Variants in PCDH9 observed in about 807,000 individuals in gnomAD.
The protein encoded by PCDH9 is protocadherin-9.
PCDH9 carries 24 observed loss-of-function variants against 70.6 expected under a neutral mutation model. The observed-to-expected ratio is 0.34, with a 90% CI of 0.25 to 0.48. The LOEUF (loss-of-function observed/expected upper bound fraction) is 0.48. PCDH9 is among the 20% of genes least tolerant of loss of function. The probability of loss-of-function intolerance (pLI) is 0.99; values close to 1 mark genes in which losing one functional copy is unlikely to be tolerated. For missense variants in PCDH9, 1,281 were observed against 1,503.6 expected, an observed-to-expected ratio of 0.85 and a Z score of 2.45; for synonymous variants, 562 against 558.5, an observed-to-expected ratio of 1.01 and a Z score of -0.09.
At chr13:66,576,336 A>G (rs1298665204) in intron 4 of PCDH9, among the ~76,000 whole-genome samples, 2 of 152,086 alleles carry the variant, frequency 1.3e-5, no homozygotes, top group South Asian at 2.1e-4. Flanking sequence ...ACACAGAGCT[A>G]TGTGTACATA....
intron 2 of PCDH9, among the ~76,000 whole-genome samples, chr13:67,130,165 A>G (rs1242947407): frequency 6.6e-6 from 1 of 152,148 alleles, no homozygotes; most frequent in Non-Finnish European, 1.5e-5. Flanking sequence ...ATGAATGAGC[A>G]TTTTCACTTT....
intron 4 of PCDH9, among the ~76,000 whole-genome samples, chr13:66,385,467 A>C (rs1379180451): frequency 6.6e-6 from 1 of 152,114 alleles, no homozygotes; most frequent in African/African-American, 2.4e-5. Flanking sequence ...AAATAACAGG[A>C]CTTCAAGACT....
chr13:66,584,877 G>A (rs2076942112), intron 4 of PCDH9, among the ~76,000 whole-genome samples: 1 of 152,000 alleles, frequency 6.6e-6, no homozygotes, highest in African/African-American at 2.4e-5. Flanking sequence ...ATTGAAACTA[G>A]CAATAAGCAA....
At chr13:67,148,400 T>A (rs1324947571) in intron 2 of PCDH9, among the ~76,000 whole-genome samples, 1 of 152,020 alleles carries the variant, frequency 6.6e-6, no homozygotes, top group East Asian at 1.9e-4. Context: ...TGTACACTGG[T>A]TCCTCTCCTA....
intron 4 of PCDH9, among the ~76,000 whole-genome samples, chr13:66,563,038 C>T (rs1417326834): frequency 6.6e-6 from 1 of 152,192 alleles, no homozygotes; most frequent in Non-Finnish European, 1.5e-5. Flanking sequence ...AATTCATTGA[C>T]TTTTGAGAAG....
At chr13:66,552,638 A>G (rs1457341629) in intron 4 of PCDH9, among the ~76,000 whole-genome samples, 3 of 152,314 alleles carry the variant, frequency 2.0e-5, no homozygotes, top group Middle Eastern at 3.4e-3. Flanking sequence ...AACTGGATAC[A>G]TGGAAGTAAA....
At chr13:66,334,705 C>G (rs1956005914) in intron 4 of PCDH9, among the ~76,000 whole-genome samples, 1 of 151,950 alleles carries the variant, frequency 6.6e-6, no homozygotes, top group South Asian at 2.1e-4. Context: ...TACCATACAA[C>G]TAATTTTTCT....
chr13:67,212,560 C>T (rs1035048369), intron 2 of PCDH9: 3 of 151,888 alleles, frequency 2.0e-5, no homozygotes, highest in African/African-American at 4.8e-5. Flanking sequence ...TGTATCTGTC[C>T]GTGGATCATA....
intron 2 of PCDH9, chr13:67,223,330 G>A (rs1377543206): frequency 1.3e-5 from 2 of 151,994 alleles, no homozygotes; most frequent in Non-Finnish European, 2.9e-5. Flanking sequence ...GGGGAGGTCA[G>A]AAAAAGTGGA....
chr13:66,404,480 G>A (rs957221234), intron 4 of PCDH9, among the ~76,000 whole-genome samples: 6 of 152,034 alleles, frequency 3.9e-5, no homozygotes, highest in African/African-American at 1.4e-4. Flanking sequence ...TGAAAAAGTA[G>A]GGTAAATCTC....
intron 3 of PCDH9, among the ~76,000 whole-genome samples, chr13:66,773,405 G>A (rs1430652177): frequency 6.6e-6 from 1 of 151,964 alleles, no homozygotes; most frequent in East Asian, 2.0e-4. Context: ...GGGGCGGGTG[G>A]ATCGCGAGGT....
At chr13:67,176,834 T>C (rs1412885222) in intron 2 of PCDH9, among the ~76,000 whole-genome samples, 3 of 152,118 alleles carry the variant, frequency 2.0e-5, no homozygotes, top group Non-Finnish European at 4.4e-5. Flanking sequence ...CTATCCTACT[T>C]TCATTTATCT....
chr13:66,356,699 T>C (rs1364138674), intron 4 of PCDH9, among the ~76,000 whole-genome samples: 1 of 152,100 alleles, frequency 6.6e-6, no homozygotes, highest in Non-Finnish European at 1.5e-5. Context: ...AGTAAACAAA[T>C]GACTACTTCT....
chr13:66,926,147 G>A (rs369047917), intron 2 of PCDH9, among the ~76,000 whole-genome samples: 1 of 151,676 alleles, frequency 6.6e-6, no homozygotes, highest in Non-Finnish European at 1.5e-5. Flanking sequence ...ACTATATAGT[G>A]CCTGGAAAAA....
intron 4 of PCDH9, among the ~76,000 whole-genome samples, chr13:66,580,867 C>G (rs1292062137): frequency 6.6e-6 from 1 of 152,038 alleles, no homozygotes; most frequent in Non-Finnish European, 1.5e-5. Flanking sequence ...TAACTGAGAA[C>G]AATCTGAACA....
chr13:67,010,646 C>A (rs1388113328), intron 2 of PCDH9, among the ~76,000 whole-genome samples: 1 of 151,924 alleles, frequency 6.6e-6, no homozygotes, highest in Non-Finnish European at 1.5e-5. Flanking sequence ...TACTCTTTTC[C>A]TTAGTTATGT....
At chr13:66,898,886 C>T (rs2082229435) in intron 3 of PCDH9, among the ~76,000 whole-genome samples, 1 of 151,770 alleles carries the variant, frequency 6.6e-6, no homozygotes, top group Non-Finnish European at 1.5e-5. Context: ...ATCAGTGTGT[C>T]CTTGGTTGGT....
At position 67,047,207 on chromosome 13, in the gene PCDH9, G is replaced by A. The variant is rs376562398; in HGVS notation, c.3037-143602C>T. Reference sequence around the variant, plus strand: ...CACTCTAATGCCTTTTTCCAAAAGGGCATGGTGCTTACAAGCTCCACTGTG... The same window carrying A: ...CACTCTAATGCCTTTTTCCAAAAGGACATGGTGCTTACAAGCTCCACTGTG... On this transcript the variant is annotated intron_variant, in intron 2 of 4. Coordinates refer to ENST00000377865, the MANE Select transcript of PCDH9 (RefSeq NM_203487.3). Among the ~76,000 whole-genome samples, 161 of 152,162 alleles carry A rather than the reference G, an allele frequency of 1.1e-3. 1 individual carries two copies. The highest frequency in any genetic ancestry group is 3.7e-3 in the African/African-American group (155 of 41,536).
intron 4 of PCDH9, among the ~76,000 whole-genome samples, chr13:66,372,391 G>A (rs1956670560): frequency 6.6e-6 from 1 of 151,792 alleles, no homozygotes; most frequent in Admixed American, 6.6e-5. Context: ...GCGAGAGTAA[G>A]TATGTTTTAT....
Sources: gnomAD v4.1 joint callset for allele counts (sites outside exome capture counted in the v4.1 genomes callset) on GRCh38, gnomAD v4.1.1 for gene constraint, MANE v1.5 for transcripts, NCBI Gene and HGNC (gene_info 2026-07-23, HGNC 2026-07-21) for gene names.